EPS8: variants seen among roughly 807,000 people sequenced by gnomAD.
EPS8 encodes the protein epidermal growth factor receptor kinase substrate 8.
A neutral mutation model predicts 103.8 loss-of-function variants in EPS8; 42 were observed. The ratio of observed to expected loss-of-function variants is 0.40; its 90% CI spans 0.32 to 0.52. EPS8 has a LOEUF of 0.52. Among genes scored for constraint, EPS8 ranks in the 20% least tolerant of loss-of-function variants. EPS8 has a pLI of 0.40. For missense variants in EPS8, 969 were observed against 1,005.1 expected (o/e 0.96, Z 0.49); for synonymous variants, 344 against 344.6 (o/e 1.00, Z 0.02).
Position 15,693,581 on chromosome 12 carries a change from T to C in EPS8, c.-21-10609A>G, listed in dbSNP as rs1946203047. 6.6e-6 allele frequency among the ~76,000 whole-genome samples: 1 copy of C among 152,228 alleles called. No individual in the cohort carries two copies. Among genetic ancestry groups the C allele is most frequent in the Non-Finnish European group, 1.5e-5 (1 of 68,032 alleles). On this transcript the variant is annotated intron_variant, in intron 1 of 20. Coordinates refer to ENST00000281172, the MANE Select transcript of EPS8 (RefSeq NM_004447.6). This position sits in a 1 kb window ranked among gnomAD's most constrained non-coding sequence, Gnocchi z 5.6. The stretch of plus-strand genomic sequence containing the variant: ...CAGCATGTAAGGACTTCTAGGTTAA[T>C]CACAATTATCCACAGGCTTTATAGA...
chr12:15,639,835 C>T (rs1330612897), intron 17 of EPS8, among the ~76,000 whole-genome samples: 2 of 152,202 alleles, frequency 1.3e-5, no homozygotes, highest in Admixed American at 6.5e-5. Flanking sequence ...TACTCAAATT[C>T]ATGACATTAT....
chr12:15,753,562 G>T (rs895116795), intron 1 of EPS8, among the ~76,000 whole-genome samples: 1 of 151,838 alleles, frequency 6.6e-6, no homozygotes, highest in African/African-American at 2.4e-5. Flanking sequence ...TCCATTTGAG[G>T]GAGACCTTGG....
In EPS8 at chr12:15,706,032, G is replaced by C. The variant is rs1354625931; in HGVS notation, c.-21-23060C>G. Among the ~76,000 whole-genome samples the C allele has an allele frequency of 6.6e-6, 1 of 151,964 alleles. No individual in the cohort carries two copies. The highest frequency in any genetic ancestry group is 1.5e-5 in the Non-Finnish European group (1 of 67,982). On this transcript the variant is annotated intron_variant, in intron 1 of 20. Coordinates refer to ENST00000281172, the MANE Select transcript of EPS8 (RefSeq NM_004447.6). This position sits in a 1 kb window ranked among gnomAD's most constrained non-coding sequence, Gnocchi z 5.2. ...TCAGCTATTTTTTTTTTAACTCAAA[G>C]AAGGCTAACATTCAAGAATGACCCT...
intron 1 of EPS8, among the ~76,000 whole-genome samples, chr12:15,685,293 C>T (rs1179320025): frequency 2.6e-5 from 4 of 152,214 alleles, no homozygotes; most frequent in East Asian, 1.9e-4. Flanking sequence ...GATAATTCTT[C>T]GTCTTCCGAG....
intron 9 of EPS8, among the ~76,000 whole-genome samples, chr12:15,661,622 T>C (rs912025695): frequency 4.0e-4 from 61 of 152,210 alleles, no homozygotes; most frequent in African/African-American, 1.5e-3. Context: ...CCTTTAAAAA[T>C]GCCACTTAAC....
At position 15,779,039 on chromosome 12, in the gene EPS8, G is replaced by A. The variant is rs371601965; in HGVS notation, c.-22+10122C>T. ...GTTGCCCAGGCTGGAGTGCAATGGC[G>A]CCATCTTGGCTCACCACAACCTCCT... is the stretch of plus-strand genomic sequence containing the variant. On this transcript the variant is annotated intron_variant, in intron 1 of 20. Transcript: ENST00000281172. The surrounding 1 kb of genome is among the most constrained non-coding windows in gnomAD (Gnocchi z 4.3). Among the ~76,000 whole-genome samples the A allele has an allele frequency of 7.9e-5, 12 of 152,074 alleles. No homozygotes were observed. Among genetic ancestry groups the A allele is most frequent in the African/African-American group, 2.2e-4 (9 of 41,488 alleles).
chr12:15,719,577 C>T (rs546736322), intron 1 of EPS8, among the ~76,000 whole-genome samples: 58 of 152,298 alleles, frequency 3.8e-4, no homozygotes, highest in Admixed American at 9.8e-4. Context: ...GATACACTCA[C>T]ATTAAATTGC....
intron 17 of EPS8, among the ~76,000 whole-genome samples, chr12:15,636,995 A>C (rs972432134): frequency 2.0e-5 from 3 of 152,194 alleles, no homozygotes; most frequent in African/African-American, 7.2e-5. Context: ...GTTTATACAA[A>C]AAGAGATGAC....
intron 4 of EPS8, among the ~76,000 whole-genome samples, 200 bp downstream of exon 4, chr12:15,670,656 A>C (rs1052605180): frequency 3.9e-5 from 6 of 152,180 alleles, no homozygotes; most frequent in African/African-American, 1.4e-4. Context: ...TTATGATTTT[A>C]AATCATTCTT....
chr12:15,774,514 C>A (rs1303464962), intron 1 of EPS8, among the ~76,000 whole-genome samples: 1 of 150,528 alleles, frequency 6.6e-6, no homozygotes, highest in Non-Finnish European at 1.5e-5. Flanking sequence ...TTCTACAATG[C>A]TCAATAGGCA....
Position 15,785,987 on chromosome 12 carries a change from G to T in EPS8, c.-22+3174C>A, listed in dbSNP as rs1177110224. ...ATTGAGTAAATAAATACATGGGGGAGAAGAGACAAATCTCCCACGGAGAAA... is the reference window on the plus strand; with the variant it reads ...ATTGAGTAAATAAATACATGGGGGATAAGAGACAAATCTCCCACGGAGAAA... On this transcript the variant is annotated intron_variant, in intron 1 of 20. Transcript: ENST00000281172. The surrounding 1 kb of genome is among the most constrained non-coding windows in gnomAD (Gnocchi z 4.9). 6.6e-6 allele frequency among the ~76,000 whole-genome samples: 1 copy of T among 151,678 alleles called. No homozygotes were observed. The highest frequency in any genetic ancestry group is 1.5e-5 in the Non-Finnish European group (1 of 67,856).
At chr12:15,668,109 T>A (rs1245637031) in intron 6 of EPS8, among the ~76,000 whole-genome samples, 1 of 152,212 alleles carries the variant, frequency 6.6e-6, no homozygotes, top group Non-Finnish European at 1.5e-5. Flanking sequence ...TAATATTTAT[T>A]GACTGAATAT....
chr12:15,711,358 T>C (rs1006888549), intron 1 of EPS8, among the ~76,000 whole-genome samples: 2 of 152,134 alleles, frequency 1.3e-5, no homozygotes, highest in Non-Finnish European at 2.9e-5. Flanking sequence ...TACATAGAAA[T>C]GAGACTAAGC....
chr12:15,623,149 A>C lies in EPS8; in HGVS notation c.2355+9T>G. On this transcript the variant is annotated intron_variant, in intron 20 of 20. Transcript: ENST00000281172. ...CAGAAAAACACCACCTTAGGTTGACAAGTCATACCTCCAATGCAGCTTTTT... is the reference window on the plus strand; with the variant it reads ...CAGAAAAACACCACCTTAGGTTGACCAGTCATACCTCCAATGCAGCTTTTT... The C allele has an allele frequency of 6.3e-7, 1 of 1,597,818 alleles. No homozygotes were observed. Among genetic ancestry groups the C allele is most frequent in the Non-Finnish European group, 8.5e-7 (1 of 1,175,296 alleles).
At chr12:15,661,534 T>C (rs958505076) in intron 9 of EPS8, among the ~76,000 whole-genome samples, 2 of 152,182 alleles carry the variant, frequency 1.3e-5, no homozygotes, top group African/African-American at 4.8e-5. Flanking sequence ...ATTTACAGCA[T>C]TCTCATTCTG....
At position 15,747,295 on chromosome 12, in the gene EPS8, T is replaced by G. The variant is rs1203898663; in HGVS notation, c.-22+41866A>C. ...TTTTATTTTGGTTCTTTTAAGTGCA[T>G]GGTCTAATTTATTAATGGTAAGCTG... On this transcript the variant is annotated intron_variant, in intron 1 of 20. Coordinates refer to ENST00000281172, the MANE Select transcript of EPS8 (RefSeq NM_004447.6). The surrounding 1 kb of genome is among the most constrained non-coding windows in gnomAD (Gnocchi z 4.4). 2.0e-5 allele frequency among the ~76,000 whole-genome samples: 3 copies of G among 152,208 alleles called. No homozygotes were observed. Among genetic ancestry groups the G allele is most frequent in the African/African-American group, 7.2e-5 (3 of 41,434 alleles).
chr12:15,747,788 A>G lies in EPS8; in HGVS notation c.-22+41373T>C, dbSNP rs1224564453. On this transcript the variant is annotated intron_variant, in intron 1 of 20. Transcript: ENST00000281172. The surrounding 1 kb of genome is among the most constrained non-coding windows in gnomAD (Gnocchi z 4.4). ...GTAATCCCAGCACTTTGGGAGGCCG[A>G]GGTGGGCGGATCACGAGGTCAGGAG... 1.3e-5 allele frequency among the ~76,000 whole-genome samples: 2 copies of G among 152,194 alleles called. No homozygotes were observed. Among genetic ancestry groups the G allele is most frequent in the Non-Finnish European group, 2.9e-5 (2 of 68,042 alleles).
At chr12:15,668,358 G>A (rs1036027645) in intron 6 of EPS8, among the ~76,000 whole-genome samples, 1 of 152,046 alleles carries the variant, frequency 6.6e-6, no homozygotes, top group Admixed American at 6.6e-5. Flanking sequence ...AAGTAACTGT[G>A]CTAATCTCCT....
At chr12:15,768,536 A>T (rs562069032) in intron 1 of EPS8, among the ~76,000 whole-genome samples, 143 of 152,056 alleles carry the variant, frequency 9.4e-4, no homozygotes, top group Admixed American at 2.2e-3. Context: ...CTAAATATTA[A>T]TTAATAAGAA....
Sources: gnomAD v4.1 joint callset for allele counts (sites outside exome capture counted in the v4.1 genomes callset) on GRCh38, gnomAD v4.1.1 for gene constraint, Gnocchi (gnomAD v3.1) non-coding constraint, MANE v1.5 for transcripts, NCBI Gene and HGNC (gene_info 2026-07-23, HGNC 2026-07-21) for gene names.